FLT3: variants seen among roughly 807,000 people sequenced by gnomAD.
The protein encoded by FLT3 is fms related receptor tyrosine kinase 3.
A neutral mutation model predicts 126.6 loss-of-function variants in FLT3; 46 were observed. That is an observed-to-expected ratio of 0.36 (90% CI 0.29 to 0.46). The LOEUF is 0.46. Among genes scored for constraint, FLT3 ranks in the 20% least tolerant of loss-of-function variants. The pLI is 1.00. For synonymous variants in FLT3, 404 were observed against 434.4 expected (o/e 0.93, Z 0.87); for missense variants, 1,069 against 1,190.3 (o/e 0.90, Z 1.50).
Position 28,100,456 on chromosome 13 carries a change from G to T in FLT3, c.43+12C>A. On this transcript the variant is annotated intron_variant, in intron 1 of 23. Transcript: ENST00000241453. The surrounding 1 kb of genome is among the most constrained non-coding windows in gnomAD (Gnocchi z 4.8). ...ACCGCGAGGGGCTGCGAGCGAGCGA[G>T]CGGGGCCTTACCGAGCAGCGGCAGC... The T allele has an allele frequency of 1.6e-6, 2 of 1,217,436 alleles. No homozygotes were observed. Among genetic ancestry groups the T allele is most frequent in the South Asian group, 8.3e-5 (2 of 24,236 alleles). The allele number at this position is 1,217,436 out of a possible 1,614,324, so 75.4% of individuals were successfully genotyped here.
chr13:28,077,236 G>A (rs2137802692), intron 1 of FLT3, among the ~76,000 whole-genome samples: 1 of 152,262 alleles, frequency 6.6e-6, no homozygotes, highest in Middle Eastern at 3.4e-3. Flanking sequence ...AGGAACTCAG[G>A]AAGCTTCATA....
chr13:28,040,473 G>A (rs567899337), intron 9 of FLT3, among the ~76,000 whole-genome samples: 1 of 152,238 alleles, frequency 6.6e-6, no homozygotes, highest in East Asian at 1.9e-4. Flanking sequence ...AGGCTGAGAT[G>A]GGTGGACTGC....
At chr13:28,081,633 T>A (rs1314234414) in intron 1 of FLT3, among the ~76,000 whole-genome samples, 1 of 152,254 alleles carries the variant, frequency 6.6e-6, no homozygotes, top group African/African-American at 2.4e-5. Flanking sequence ...ATCTGCAGTA[T>A]AAAGTTGAAT....
At chr13:28,090,345 C>G (rs7327609) in intron 1 of FLT3, among the ~76,000 whole-genome samples, 2 of 151,340 alleles carry the variant, frequency 1.3e-5, no homozygotes, top group Non-Finnish European at 1.5e-5. Flanking sequence ...CATGAGGGAA[C>G]TTTTAAGGGG....
At chr13:28,093,208 T>G (rs9579157) in intron 1 of FLT3, among the ~76,000 whole-genome samples, 51,855 of 151,146 alleles carry the variant, frequency 0.34, 10,521 homozygotes, top group African/African-American at 0.57. Context: ...TTACAGGTGT[T>G]AGCCACCACA....
intron 2 of FLT3, among the ~76,000 whole-genome samples, chr13:28,067,262 A>T (rs894698081): frequency 6.6e-6 from 1 of 152,208 alleles, no homozygotes; most frequent in Non-Finnish European, 1.5e-5. Context: ...ACCTCAGGTG[A>T]TCCACCTGCC....
At chr13:28,059,378 C>CTA in intron 3 of FLT3, among the ~76,000 whole-genome samples, 1 of 152,204 alleles carries the variant, frequency 6.6e-6, no homozygotes, top group East Asian at 1.9e-4. Flanking sequence ...TTTAATTGAC[C>CTA]TATGTCCTTT....
chr13:28,072,905 T>C (rs1877645554), intron 1 of FLT3, among the ~76,000 whole-genome samples: 1 of 151,872 alleles, frequency 6.6e-6, no homozygotes, highest in South Asian at 2.1e-4. Flanking sequence ...CTCGGGAGGC[T>C]GAGGCAGGAG....
At chr13:28,077,417 G>A (rs1159559840) in intron 1 of FLT3, among the ~76,000 whole-genome samples, 3 of 152,132 alleles carry the variant, frequency 2.0e-5, no homozygotes, top group Non-Finnish European at 4.4e-5. Flanking sequence ...AGCAGCAAAA[G>A]CAGAACCCCC....
intron 3 of FLT3, among the ~76,000 whole-genome samples, chr13:28,058,200 T>C (rs1189676337): frequency 3.3e-5 from 1 of 30,304 alleles, no homozygotes; most frequent in South Asian, 2.4e-3. Context: ...CTCTATTTTT[T>C]AAAAATTAAA....
At chr13:28,039,030 G>A (rs2491240) in intron 9 of FLT3, among the ~76,000 whole-genome samples, 110,365 of 151,862 alleles carry the variant, frequency 0.73, 41,340 homozygotes, top group East Asian at 0.87. Flanking sequence ...GGTAGAGCTC[G>A]AGCTGGAGCC....
At chr13:28,042,158 T>C (rs1221347379) in intron 9 of FLT3, among the ~76,000 whole-genome samples, 1 of 120,638 alleles carries the variant, frequency 8.3e-6, no homozygotes, top group Non-Finnish European at 1.7e-5. Context: ...ATAATAATAA[T>C]AATAATAATA....
intron 23 of FLT3, among the ~76,000 whole-genome samples, chr13:28,004,502 C>G (rs1167666667): frequency 2.0e-5 from 3 of 152,066 alleles, no homozygotes; most frequent in Non-Finnish European, 4.4e-5. Flanking sequence ...GACAAAGTCT[C>G]ACTATGTTGT....
At chr13:28,020,906 T>C (rs1316234762) in intron 19 of FLT3, among the ~76,000 whole-genome samples, 2 of 152,038 alleles carry the variant, frequency 1.3e-5, no homozygotes, top group Non-Finnish European at 2.9e-5. Context: ...AGGGGAGGCC[T>C]GATGTGAAGA....
chr13:28,063,832 A>T (rs1315862770), intron 2 of FLT3, among the ~76,000 whole-genome samples: 1 of 152,238 alleles, frequency 6.6e-6, no homozygotes, highest in African/African-American at 2.4e-5. Flanking sequence ...TCCCATAAAA[A>T]GATACCAAAT....
At chr13:28,056,924 A>G (rs1876060521) in intron 4 of FLT3, among the ~76,000 whole-genome samples, 1 of 152,146 alleles carries the variant, frequency 6.6e-6, no homozygotes, top group African/African-American at 2.4e-5. Flanking sequence ...AGACCTTCCA[A>G]TCCTGTGAGG....
At chr13:28,008,623 C>T (rs1871117793) in intron 23 of FLT3, among the ~76,000 whole-genome samples, 1 of 152,000 alleles carries the variant, frequency 6.6e-6, no homozygotes, top group Admixed American at 6.6e-5. Context: ...GGGATTTTAG[C>T]TACCTGCCAC....
intron 1 of FLT3, among the ~76,000 whole-genome samples, chr13:28,079,385 C>T (rs1167160169): frequency 4.6e-5 from 7 of 152,154 alleles, no homozygotes; most frequent in Non-Finnish European, 1.0e-4. Flanking sequence ...TCCAAGCTTT[C>T]CCACATTTTC....
intron 23 of FLT3, among the ~76,000 whole-genome samples, chr13:28,010,903 T>G (rs542687602): frequency 6.6e-6 from 1 of 152,248 alleles, no homozygotes; most frequent in East Asian, 1.9e-4. Flanking sequence ...CTCAAGAGGC[T>G]GAGGCACGAT....
Sources: gnomAD v4.1 joint callset for allele counts (sites outside exome capture counted in the v4.1 genomes callset) on GRCh38, gnomAD v4.1.1 for gene constraint, Gnocchi (gnomAD v3.1) non-coding constraint, MANE v1.5 for transcripts, NCBI Gene and HGNC (gene_info 2026-07-23, HGNC 2026-07-21) for gene names.